Variants in CHN2 observed in about 807,000 individuals in gnomAD.
The protein encoded by CHN2 is chimerin 2, also known as beta-chimaerin.
CHN2 carries 35 observed loss-of-function variants against 56.3 expected under a neutral mutation model. The observed-to-expected ratio is 0.62, with a 90% CI of 0.47 to 0.82. CHN2 has a LOEUF of 0.82. CHN2 is among the 40% of genes least tolerant of loss of function. The pLI is 0.00. For missense variants in CHN2, 491 were observed against 580.5 expected (o/e 0.85, Z 1.58); for synonymous variants, 210 against 212.8 (o/e 0.99, Z 0.12).
intron 1 of CHN2, among the ~76,000 whole-genome samples, chr7:29,206,808 G>A (rs1032272612): frequency 1.3e-5 from 2 of 152,090 alleles, no homozygotes; most frequent in African/African-American, 2.4e-5. Context: ...CTACACCAGG[G>A]ATGAGCCTGG....
chr7:29,312,604 T>G (rs752759780), intron 1 of CHN2, among the ~76,000 whole-genome samples: 2 of 152,182 alleles, frequency 1.3e-5, no homozygotes, highest in Non-Finnish European at 2.9e-5. Flanking sequence ...ATAGTCTAAG[T>G]GACCTAAATA....
At chr7:29,281,904 C>T (rs763213173) in intron 1 of CHN2, among the ~76,000 whole-genome samples, 121 of 152,186 alleles carry the variant, frequency 8.0e-4, no homozygotes, top group Non-Finnish European at 1.0e-3. Flanking sequence ...GTATGCGGTG[C>T]GTCAGAGGAT....
At chr7:29,254,984 G>A (rs75845085) in intron 1 of CHN2, among the ~76,000 whole-genome samples, 78 of 152,284 alleles carry the variant, frequency 5.1e-4, no homozygotes, top group African/African-American at 1.8e-3. Context: ...TACCAAGAGA[G>A]CGTGCAGGTC....
At chr7:29,309,415 A>G (rs945462396) in intron 1 of CHN2, among the ~76,000 whole-genome samples, 3 of 152,128 alleles carry the variant, frequency 2.0e-5, no homozygotes, top group East Asian at 1.9e-4. Context: ...TTCTCCACTC[A>G]TAGAGGACAA....
chr7:29,171,216 G>A (rs751463275), intron 2 of CHN2, among the ~76,000 whole-genome samples: 7 of 152,104 alleles, frequency 4.6e-5, no homozygotes, highest in South Asian at 4.2e-4. Context: ...AAGGAACAGC[G>A]CAGACATCAC....
At chr7:29,212,814 C>T in intron 1 of CHN2, 1 of 1,607,964 alleles carries the variant, frequency 6.2e-7, no homozygotes, top group Admixed American at 1.7e-5. Flanking sequence ...GCCTCAGCAC[C>T]TACCTACCCC....
exon 2 of CHN2, chr7:29,146,863 C>G: frequency 6.4e-7 from 1 of 1,551,162 alleles, no homozygotes; most frequent in Non-Finnish European, 8.7e-7. Context: ...TACTTGCAAG[C>G]CCAGGATTTA....
At chr7:29,501,624 G>C (rs1789976593) in intron 9 of CHN2, among the ~76,000 whole-genome samples, 1 of 152,132 alleles carries the variant, frequency 6.6e-6, no homozygotes, top group South Asian at 2.1e-4. Flanking sequence ...CACAAATTAG[G>C]AATTGATGCC....
chr7:29,147,300 C>T, intron 2 of CHN2: 1 of 286,478 alleles, frequency 3.5e-6, no homozygotes, highest in African/African-American at 2.2e-5. Flanking sequence ...GTGGGAGAGG[C>T]CACGGGGAAT....
chr7:29,216,577 C>G (rs1235390287), intron 1 of CHN2, among the ~76,000 whole-genome samples: 1 of 152,210 alleles, frequency 6.6e-6, no homozygotes, highest in Non-Finnish European at 1.5e-5. Context: ...TTCTTGCCTC[C>G]TTGAGGCTGA....
chr7:29,409,064 T>C (rs568267433), intron 6 of CHN2, among the ~76,000 whole-genome samples: 13 of 152,342 alleles, frequency 8.5e-5, no homozygotes, highest in African/African-American at 3.1e-4. Flanking sequence ...CATCCCACTT[T>C]CCTCAAGTTT....
chr7:29,455,124 G>C (rs1421519314), intron 6 of CHN2, among the ~76,000 whole-genome samples: 9 of 152,076 alleles, frequency 5.9e-5, no homozygotes, highest in Non-Finnish European at 1.2e-4. Flanking sequence ...CCAGGCTACG[G>C]ATGTAATGTT....
At chr7:29,167,229 T>G (rs1307911255) in intron 2 of CHN2, among the ~76,000 whole-genome samples, 1 of 152,238 alleles carries the variant, frequency 6.6e-6, no homozygotes, top group Non-Finnish European at 1.5e-5. Context: ...CCTAAAATAA[T>G]ATATTAATTT....
rs1790011955 is a variant in CHN2, at chr7:29,264,925, AGG to A, written c.49+69936_49+69937del. On this transcript the variant is annotated intron_variant, in intron 1 of 12. Coordinates refer to ENST00000222792, the MANE Select transcript of CHN2 (RefSeq NM_004067.4). Reference sequence around the variant, plus strand: ...TAGAGTAAATCATTAGACTTTTTAAAGGAGATCTGTTATTTCTTAGCAAAAAT... The same window carrying A: ...TAGAGTAAATCATTAGACTTTTTAAAAGATCTGTTATTTCTTAGCAAAAAT... Among the ~76,000 whole-genome samples the A allele has an allele frequency of 1.8e-4, 13 of 71,876 alleles. No homozygotes were observed. The Admixed American group carries it at 2.2e-3, about 12-fold the overall frequency. 47.2% of individuals were successfully genotyped at this position (71,876 alleles called of 152,430 possible).
chr7:29,233,824 G>GTTTTTTTTTTTT (rs1584812326), intron 1 of CHN2, among the ~76,000 whole-genome samples: 1 of 81,754 alleles, frequency 1.2e-5, no homozygotes, highest in African/African-American at 4.6e-5. Context: ...CCAACACCTT[G>GTTTTTTTTTTTT]ATTTTTTTTT....
intron 6 of CHN2, among the ~76,000 whole-genome samples, chr7:29,419,819 C>T (rs1315551861): frequency 1.3e-5 from 2 of 152,112 alleles, no homozygotes; most frequent in Non-Finnish European, 2.9e-5. Context: ...TGCAGTGGCT[C>T]ATGCCTGTAA....
At chr7:29,258,785 G>A (rs937382805) in intron 1 of CHN2, among the ~76,000 whole-genome samples, 1 of 152,222 alleles carries the variant, frequency 6.6e-6, no homozygotes, top group Non-Finnish European at 1.5e-5. Context: ...ACTGATGAGT[G>A]TGTAGAACTT....
chr7:29,260,774 C>G lies in CHN2; in HGVS notation c.49+65784C>G, dbSNP rs779780822. On this transcript the variant is annotated intron_variant, in intron 1 of 12. Transcript: ENST00000222792. ...TTTTCCAGCCTGCTAATTCTGGACACCGGACCTGTTTTATGAGGTGGTGTC... is the reference window on the plus strand; with the variant it reads ...TTTTCCAGCCTGCTAATTCTGGACAGCGGACCTGTTTTATGAGGTGGTGTC... 7.2e-5 allele frequency among the ~76,000 whole-genome samples: 11 copies of G among 152,312 alleles called. No individual in the cohort carries two copies. In the East Asian group the frequency reaches 1.7e-3, roughly 24 times the overall value.
At chr7:29,168,628 A>G (rs1428455477) in intron 2 of CHN2, among the ~76,000 whole-genome samples, 2 of 152,152 alleles carry the variant, frequency 1.3e-5, no homozygotes, top group Admixed American at 6.5e-5. Context: ...CTCTGTTCCA[A>G]TCCCCCAACC....
Sources: allele counts gnomAD v4.1 joint callset (sites outside exome capture counted in the v4.1 genomes callset), GRCh38; gene constraint gnomAD v4.1.1; transcripts MANE v1.5; gene names NCBI Gene and HGNC (gene_info 2026-07-23, HGNC 2026-07-21).